Variants in TMEM178A observed in about 807,000 individuals in gnomAD.
TMEM178A encodes the protein transmembrane protein 178.
Under a neutral mutation model 29.1 loss-of-function variants are expected in TMEM178A, and 12 were observed. The observed-to-expected ratio is 0.41, with a 90% CI of 0.26 to 0.67. The LOEUF (loss-of-function observed/expected upper bound fraction) is 0.67, where lower values mean the gene tolerates loss of function less well. Ranked by LOEUF, TMEM178A falls within the 30% of genes least tolerant of loss-of-function variation. The probability of loss-of-function intolerance (pLI) is 0.29; values close to 1 mark genes in which losing one functional copy is unlikely to be tolerated. For missense variants in TMEM178A, 366 were observed against 419.1 expected (o/e 0.87, Z 1.11); for synonymous variants, 210 against 187.2 (o/e 1.12, Z -0.99).
chr2:39,688,035 A>G (rs1187939786), intron 1 of TMEM178A, among the ~76,000 whole-genome samples: 1 of 152,246 alleles, frequency 6.6e-6, no homozygotes, highest in Non-Finnish European at 1.5e-5. Context: ...GGGAAATGTC[A>G]GTAAAGCTCT....
chr2:39,668,331 G>C (rs1334807974), intron 1 of TMEM178A, among the ~76,000 whole-genome samples: 1 of 152,172 alleles, frequency 6.6e-6, no homozygotes, highest in African/African-American at 2.4e-5. Flanking sequence ...GATTTTCCCA[G>C]TCACGAATGC....
At chr2:39,730,916 GCA>G in the TMEM178A span, among the ~76,000 whole-genome samples, 1 of 152,156 alleles carries the variant, frequency 6.6e-6, no homozygotes. Flanking sequence ...TTGGTTCATA[GCA>G]CACAGAGTAT....
At chr2:39,676,891 C>T (rs188399901) in intron 1 of TMEM178A, among the ~76,000 whole-genome samples, 7 of 152,258 alleles carry the variant, frequency 4.6e-5, no homozygotes, top group Admixed American at 2.6e-4. Context: ...TGGAAGTGCC[C>T]TGAAAGCCCT....
chr2:39,688,961 A>G (rs1454970172), intron 1 of TMEM178A, among the ~76,000 whole-genome samples: 1 of 152,166 alleles, frequency 6.6e-6, no homozygotes, highest in Non-Finnish European at 1.5e-5. Flanking sequence ...ACGGTATCAA[A>G]TATGTTTAAA....
At chr2:39,703,334 C>G (rs967045805) in intron 1 of TMEM178A, among the ~76,000 whole-genome samples, 6 of 152,140 alleles carry the variant, frequency 3.9e-5, no homozygotes, top group African/African-American at 1.2e-4. Flanking sequence ...ATAATGGACC[C>G]ATGTTAATTT....
At chr2:39,702,604 T>C (rs1421119772) in intron 1 of TMEM178A, among the ~76,000 whole-genome samples, 1 of 151,810 alleles carries the variant, frequency 6.6e-6, no homozygotes, top group Non-Finnish European at 1.5e-5. Context: ...CTAACTTATA[T>C]GTAAACAGCT....
downstream of TMEM178A, among the ~76,000 whole-genome samples, chr2:39,721,574 G>T (rs915483551): frequency 3.9e-5 from 6 of 152,126 alleles, no homozygotes; most frequent in Admixed American, 3.3e-4. Flanking sequence ...AGGGAAGAGT[G>T]GTGCAGGTGA....
intron 1 of TMEM178A, among the ~76,000 whole-genome samples, chr2:39,671,061 A>T (rs1431867188): frequency 1.3e-5 from 2 of 152,234 alleles, no homozygotes; most frequent in South Asian, 2.1e-4. Flanking sequence ...CTGGGTTTGA[A>T]TTCTTGAAAC....
chr2:39,716,978 T>A (rs942529412), intron 3 of TMEM178A, 32 bp from the exon 4 acceptor site: 1 of 1,590,680 alleles, frequency 6.3e-7, no homozygotes, highest in African/African-American at 1.4e-5. Flanking sequence ...AAACTGTAAC[T>A]AATCATTCTG....
At chr2:39,678,028 G>A (rs1266777527) in intron 1 of TMEM178A, among the ~76,000 whole-genome samples, 1 of 152,144 alleles carries the variant, frequency 6.6e-6, no homozygotes, top group African/African-American at 2.4e-5. Flanking sequence ...AAGAAGGAAG[G>A]CAGGAAGGAA....
intron 3 of TMEM178A, among the ~76,000 whole-genome samples, chr2:39,714,241 G>C (rs1247914092): frequency 6.6e-6 from 1 of 152,134 alleles, no homozygotes; most frequent in Admixed American, 6.5e-5. Context: ...GGGATGGAGA[G>C]AGGGGATGGA....
intron 1 of TMEM178A, among the ~76,000 whole-genome samples, chr2:39,676,833 G>T (rs1670647051): frequency 6.6e-6 from 1 of 152,130 alleles, no homozygotes; most frequent in Admixed American, 6.5e-5. Context: ...TTTTCTTCCA[G>T]CTTTTCCAGA....
chr2:39,697,038 A>G (rs992675451), intron 1 of TMEM178A, among the ~76,000 whole-genome samples: 1 of 152,176 alleles, frequency 6.6e-6, no homozygotes, highest in African/African-American at 2.4e-5. Flanking sequence ...AAGCCAGTTA[A>G]TTTCAAAGTT....
intron 1 of TMEM178A, among the ~76,000 whole-genome samples, chr2:39,670,778 T>C (rs1227812068): frequency 6.6e-6 from 1 of 152,226 alleles, no homozygotes; most frequent in East Asian, 1.9e-4. Context: ...CAATTTTGAA[T>C]AGAAATTGGA....
the TMEM178A span, among the ~76,000 whole-genome samples, chr2:39,727,682 C>T: frequency 6.6e-6 from 1 of 152,078 alleles, no homozygotes; most frequent in Non-Finnish European, 1.5e-5. Context: ...TCATCATTTG[C>T]ATTAGGTAAT....
chr2:39,723,615 G>A, the TMEM178A span, among the ~76,000 whole-genome samples: 7 of 152,104 alleles, frequency 4.6e-5, no homozygotes, highest in Non-Finnish European at 1.5e-5. Context: ...CCCTGGGTGA[G>A]GGACTGCCTC....
chr2:39,716,155 T>A (rs1672524491), intron 3 of TMEM178A, among the ~76,000 whole-genome samples: 1 of 152,210 alleles, frequency 6.6e-6, no homozygotes, highest in Non-Finnish European at 1.5e-5. Flanking sequence ...TTTTTATTAC[T>A]CACCACACTC....
the TMEM178A span, among the ~76,000 whole-genome samples, chr2:39,725,640 GC>G: frequency 1.3e-5 from 2 of 152,198 alleles, no homozygotes; most frequent in Non-Finnish European, 2.9e-5. Context: ...TGGAGGAAAT[GC>G]CAGTAAATGT....
chr2:39,723,795 C>T, the TMEM178A span, among the ~76,000 whole-genome samples: 1 of 152,212 alleles, frequency 6.6e-6, no homozygotes, highest in Non-Finnish European at 1.5e-5. Flanking sequence ...AATCCTTCCA[C>T]CTTCCTGCAC....
Sources: gnomAD v4.1 joint callset for allele counts (sites outside exome capture counted in the v4.1 genomes callset) on GRCh38, gnomAD v4.1.1 for gene constraint, MANE v1.5 for transcripts, NCBI Gene and HGNC (gene_info 2026-07-23, HGNC 2026-07-21) for gene names.